Variants in KNTC1 observed in about 807,000 individuals in gnomAD.
KNTC1 encodes the protein kinetochore associated 1.
A neutral mutation model predicts 314.4 loss-of-function variants in KNTC1; 253 were observed. That is an observed-to-expected ratio of 0.80 (90% CI 0.73 to 0.89). The LOEUF (loss-of-function observed/expected upper bound fraction) is 0.89. KNTC1 is among the 40% of genes least tolerant of loss of function. KNTC1 has a pLI of 0.00. For synonymous variants in KNTC1, 901 were observed against 901.4 expected (o/e 1.00, Z 0.01); for missense variants, 2,475 against 2,572.9 (o/e 0.96, Z 0.82).
chr12:122,540,579 A>G (rs1488285626), intron 5 of KNTC1, among the ~76,000 whole-genome samples: 1 of 152,082 alleles, frequency 6.6e-6, no homozygotes, highest in Admixed American at 6.6e-5. Flanking sequence ...ACTTTTCCTA[A>G]ATATAATATT....
chr12:122,609,107 G>A (rs1872840868), intron 51 of KNTC1: 2 of 375,272 alleles, frequency 5.3e-6, no homozygotes, highest in Non-Finnish European at 4.7e-6. Flanking sequence ...GTCAGCTCCA[G>A]GAGGACAGGA....
At position 122,601,593 on chromosome 12, in the gene KNTC1, G is replaced by A. The variant is rs1871915764; in HGVS notation, c.4621G>A (p.Asp1541Asn). ...TGTCTTGAAAGTTATAGAACGAGCT[G>A]ATGAAAAGATAACCAATATTAATAT... ...EVVLKVIERA[D>N]EKITNININQ... Residue 1541 changes from aspartate (D) to asparagine (N), a missense_variant, in exon 45 of 64, where the codon GAT becomes AAT. Physicochemically the swap from Asp to Asn is conservative, Grantham distance 23. Coordinates refer to ENST00000333479, the MANE Select transcript of KNTC1 (RefSeq NM_014708.6). 6.5e-7 allele frequency: 1 copy of A among 1,536,142 alleles called. No homozygotes were observed. Among genetic ancestry groups the A allele is most frequent in the Non-Finnish European group, 8.8e-7 (1 of 1,141,274 alleles).
Position 122,534,704 on chromosome 12 carries a change from A to T in KNTC1, c.170A>T (p.Asp57Val). Residue 57 changes from aspartate (D) to valine (V), a missense_variant, in exon 3 of 64, where the codon GAT becomes GTT. Transcript: ENST00000333479. ...NPKIQACSLS[D>V]GFIIVADQSV... ...AAGATACAGGCATGCAGCTTAAGTG[A>T]TGGGTTTATTATTGTAGCCGACCAA... 1 of 1,611,200 alleles carries T rather than the reference A, an allele frequency of 6.2e-7. No individual in the cohort carries two copies. Among genetic ancestry groups the T allele is most frequent in the South Asian group, 1.1e-5 (1 of 90,684 alleles).
intron 40 of KNTC1, 53 bp downstream of exon 40, chr12:122,588,869 C>A: frequency 1.7e-6 from 2 of 1,147,616 alleles, no homozygotes; most frequent in Non-Finnish European, 1.2e-6. Context: ...TGCCTTTTAC[C>A]TCAGTTAATT....
chr12:122,566,788 G>A (rs1476783237), intron 20 of KNTC1, among the ~76,000 whole-genome samples: 5 of 120,336 alleles, frequency 4.2e-5, no homozygotes, highest in Non-Finnish European at 9.1e-5. Context: ...TTGAGGTGGG[G>A]TCTCACTCTG....
At chr12:122,586,666 T>C (rs1262533552) in intron 37 of KNTC1, 35 bp from the exon 38 acceptor site, 2 of 1,170,722 alleles carry the variant, frequency 1.7e-6, no homozygotes, top group Non-Finnish European at 2.4e-6. Flanking sequence ...TGGCCATCTA[T>C]TTAGTGTTGT....
chr12:122,566,599 G>C (rs563705875), intron 20 of KNTC1, among the ~76,000 whole-genome samples: 1 of 151,824 alleles, frequency 6.6e-6, no homozygotes, highest in South Asian at 2.1e-4. Context: ...TAGTAGAGAT[G>C]GGGTTTCGTC....
chr12:122,552,292 G>T (rs1043900906), intron 16 of KNTC1, among the ~76,000 whole-genome samples: 1 of 152,124 alleles, frequency 6.6e-6, no homozygotes, highest in Non-Finnish European at 1.5e-5. Context: ...TAGAATGAGG[G>T]GGACTTGTGA....
rs1962016783 is a variant in KNTC1, at chr12:122,538,377, A to G, written c.289A>G (p.Lys97Glu). 1.2e-6 allele frequency: 2 copies of G among 1,605,300 alleles called. No individual in the cohort carries two copies. The highest frequency in any genetic ancestry group is 1.7e-6 in the Non-Finnish European group (2 of 1,175,616). Residue 97 changes from lysine (K) to glutamate (E), a missense_variant, in exon 4 of 64, where the codon AAG (lysine) becomes GAG (glutamate). Physicochemically the swap from Lys to Glu is moderately conservative, Grantham distance 56. Coordinates refer to ENST00000333479, the MANE Select transcript of KNTC1 (RefSeq NM_014708.6). The part of the protein sequence containing the change: ...VDVVGLCQEG[K>E]FLLVGERSGN... ...TGTAGTTGGCCTTTGTCAAGAAGGA[A>G]AGTTTCTTTTGGTTGGCGAGAGAAG...
chr12:122,546,749 A>G, intron 10 of KNTC1, 75 bp downstream of exon 10: 9 of 978,578 alleles, frequency 9.2e-6, no homozygotes, highest in Non-Finnish European at 1.4e-5. Context: ...TACAAAGGCA[A>G]GGGTTTTAGC....
At chr12:122,557,341 T>A in intron 16 of KNTC1, 43 bp from the exon 17 acceptor site, 1 of 1,584,890 alleles carries the variant, frequency 6.3e-7, no homozygotes, top group South Asian at 1.2e-5. Flanking sequence ...CCACAGGTAT[T>A]ATTGTACTTC....
intron 12 of KNTC1, among the ~76,000 whole-genome samples, chr12:122,548,991 C>T (rs560371815): frequency 6.6e-6 from 1 of 152,192 alleles, no homozygotes; most frequent in African/African-American, 2.4e-5. Flanking sequence ...TAAAATAAGT[C>T]ATACGGTAAC....
In KNTC1 at chr12:122,541,136, G is replaced by A. The variant is rs12297225; in HGVS notation, c.446-914G>A. 7.9e-4 allele frequency among the ~76,000 whole-genome samples: 120 copies of A among 151,860 alleles called. 3 individuals carry two copies. Among genetic ancestry groups the A allele is most frequent in the Admixed American group, 7.7e-3 (118 of 15,246 alleles). On this transcript the variant is annotated intron_variant, in intron 5 of 63. Coordinates refer to ENST00000333479, the MANE Select transcript of KNTC1 (RefSeq NM_014708.6). ...CGCTGCACTGCAGTGTCTGGCCTGC[G>A]AGTGCAGGCCATTGCACTCCAGCCT...
intron 2 of KNTC1, among the ~76,000 whole-genome samples, chr12:122,534,159 A>G (rs1342006558): frequency 6.6e-6 from 1 of 152,168 alleles, no homozygotes; most frequent in Non-Finnish European, 1.5e-5. Flanking sequence ...AGAACATTTC[A>G]CATAAAGATC....
intron 24 of KNTC1, among the ~76,000 whole-genome samples, chr12:122,572,695 A>C (rs1441290660): frequency 2.0e-5 from 3 of 152,158 alleles, no homozygotes; most frequent in Non-Finnish European, 4.4e-5. Context: ...GTTCTGAAAA[A>C]GTATTATACT....
intron 63 of KNTC1, among the ~76,000 whole-genome samples, chr12:122,625,428 A>G (rs1326447319): frequency 6.7e-6 from 1 of 149,390 alleles, no homozygotes; most frequent in Non-Finnish European, 1.5e-5. Flanking sequence ...TTAGCCTGGC[A>G]TGGTGGTGGG....
At chr12:122,622,682 C>T (rs1355318788) in intron 62 of KNTC1, 75 bp downstream of exon 62, 11 of 1,219,842 alleles carry the variant, frequency 9.0e-6, no homozygotes, top group Non-Finnish European at 1.2e-5. Flanking sequence ...GGCACGATGG[C>T]TCACGACTGT....
intron 63 of KNTC1, among the ~76,000 whole-genome samples, chr12:122,625,473 A>C (rs1874929059): frequency 6.6e-6 from 1 of 152,058 alleles, no homozygotes; most frequent in Non-Finnish European, 1.5e-5. Flanking sequence ...AAGCTGAGGC[A>C]GGAGAATTGC....
At chr12:122,596,030 G>C (rs1870984417) in intron 43 of KNTC1, among the ~76,000 whole-genome samples, 1 of 151,652 alleles carries the variant, frequency 6.6e-6, no homozygotes, top group African/African-American at 2.4e-5. Flanking sequence ...GTTATTAATA[G>C]GGTCTAAAAA....
Sources: allele counts gnomAD v4.1 joint callset (sites outside exome capture counted in the v4.1 genomes callset), GRCh38; gene constraint gnomAD v4.1.1; transcripts MANE v1.5; gene names NCBI Gene and HGNC (gene_info 2026-07-23, HGNC 2026-07-21).